ZC3H12B: variants seen among roughly 807,000 people sequenced by gnomAD.
ZC3H12B encodes the protein probable ribonuclease ZC3H12B.
In ZC3H12B, 7 loss-of-function variants were observed where a neutral mutation model predicts 43.9. The ratio of observed to expected loss-of-function variants is 0.16; its 90% CI spans 0.09 to 0.30. ZC3H12B has a LOEUF of 0.30. ZC3H12B is among the 10% of genes least tolerant of loss of function. The probability of loss-of-function intolerance (pLI) is 1.00; values close to 1 mark genes in which losing one functional copy is unlikely to be tolerated. For synonymous variants in ZC3H12B, 222 were observed against 241.7 expected (o/e 0.92, Z 0.76); for missense variants, 475 against 670.2 (o/e 0.71, Z 3.22).
the ZC3H12B span, among the ~76,000 whole-genome samples, chrX:65,092,723 A>T: frequency 8.9e-6 from 1 of 112,273 alleles, no homozygotes; most frequent in Admixed American, 9.4e-5. Context: ...CATATGTGTG[A>T]GCAAACAAAT....
exon 5 of ZC3H12B, chrX:65,504,496 T>C (rs1358825030): frequency 8.9e-6 from 1 of 112,470 alleles, no homozygotes; most frequent in African/African-American, 3.2e-5. Flanking sequence ...AGGGATCAGG[T>C]TGCAGTCTTC....
intron 3 of ZC3H12B, among the ~76,000 whole-genome samples, chrX:65,457,164 C>T (rs2067632753): frequency 2.4e-5 from 2 of 84,840 alleles, no homozygotes; most frequent in Admixed American, 1.4e-4. Context: ...AGCGTCTCTG[C>T]CCGGCTGCCC....
At chrX:65,388,821 G>A (rs1435237758) in intron 2 of ZC3H12B, among the ~76,000 whole-genome samples, 4 of 111,680 alleles carry the variant, frequency 3.6e-5, no homozygotes, top group Non-Finnish European at 7.5e-5. Flanking sequence ...TGGGGTTTTG[G>A]TGTGGATGTC....
At chrX:65,067,721 T>A in the ZC3H12B span, among the ~76,000 whole-genome samples, 1 of 111,902 alleles carries the variant, frequency 8.9e-6, no homozygotes, top group African/African-American at 3.2e-5. Context: ...CTTTTTTTTT[T>A]ATTTCAATTG....
At chrX:65,415,098 G>A (rs192080976) in intron 3 of ZC3H12B, among the ~76,000 whole-genome samples, 1 of 112,461 alleles carries the variant, frequency 8.9e-6, no homozygotes, top group East Asian at 2.8e-4. Flanking sequence ...CTTGAAGTGG[G>A]AGCTTTCTGG....
chrX:65,052,911 T>A, the ZC3H12B span, among the ~76,000 whole-genome samples: 1 of 112,073 alleles, frequency 8.9e-6, no homozygotes. Flanking sequence ...ATATAAGGGT[T>A]CACTTTTCTC....
the ZC3H12B span, among the ~76,000 whole-genome samples, chrX:65,155,158 A>C: frequency 5.9e-4 from 65 of 110,075 alleles, no homozygotes; most frequent in African/African-American, 1.7e-3. Flanking sequence ...GGGTTTCACC[A>C]TGTTGCCCAG....
At chrX:65,243,027 A>G in the ZC3H12B span, among the ~76,000 whole-genome samples, 4 of 112,233 alleles carry the variant, frequency 3.6e-5, no homozygotes, top group African/African-American at 1.3e-4. Context: ...TAAAACTAGA[A>G]GAAAACACTG....
chrX:65,449,892 T>C (rs768181679), intron 3 of ZC3H12B, among the ~76,000 whole-genome samples: 3 of 111,382 alleles, frequency 2.7e-5, no homozygotes, highest in South Asian at 7.5e-4. Flanking sequence ...AAAAACTATA[T>C]GTTGGGTTCA....
At chrX:65,404,396 T>C (rs960911908) in intron 3 of ZC3H12B, among the ~76,000 whole-genome samples, 3 of 111,872 alleles carry the variant, frequency 2.7e-5, no homozygotes, top group Non-Finnish European at 5.6e-5. Context: ...AACTAAAGTC[T>C]ACAATCGAAA....
chrX:65,258,203 A>G, the ZC3H12B span, among the ~76,000 whole-genome samples: 1 of 111,736 alleles, frequency 8.9e-6, no homozygotes, highest in African/African-American at 3.3e-5. Context: ...CAAGCACATC[A>G]AAAAGCTAAT....
intron 3 of ZC3H12B, among the ~76,000 whole-genome samples, chrX:65,457,446 G>A (rs1176720182): frequency 6.1e-5 from 5 of 82,489 alleles, no homozygotes; most frequent in Non-Finnish European, 1.1e-4. Flanking sequence ...GGTGGTGGGG[G>A]GGTCAGCCCC....
chrX:65,103,142 G>T, the ZC3H12B span, among the ~76,000 whole-genome samples: 3 of 111,247 alleles, frequency 2.7e-5, no homozygotes, highest in African/African-American at 9.8e-5. Context: ...GAGCACTATG[G>T]GAGACCGGGG....
At chrX:65,182,449 A>C in the ZC3H12B span, among the ~76,000 whole-genome samples, 1 of 111,168 alleles carries the variant, frequency 9.0e-6, no homozygotes, top group Non-Finnish European at 1.9e-5. Flanking sequence ...AATAAAAATA[A>C]AATGGCGGTG....
intron 2 of ZC3H12B, among the ~76,000 whole-genome samples, chrX:65,379,728 A>G (rs2066407945): frequency 1.8e-5 from 2 of 111,986 alleles, no homozygotes; most frequent in Non-Finnish European, 3.8e-5. Context: ...AGACGAATGT[A>G]TAACTAGAAT....
the ZC3H12B span, among the ~76,000 whole-genome samples, chrX:65,131,766 C>T: frequency 1.8e-5 from 2 of 111,173 alleles, no homozygotes; most frequent in Admixed American, 9.6e-5. Context: ...AGCACATGTG[C>T]TTTCATGAAG....
the ZC3H12B span, among the ~76,000 whole-genome samples, chrX:65,132,647 G>A: frequency 3.6e-5 from 4 of 111,369 alleles, no homozygotes; most frequent in East Asian, 2.8e-4. Flanking sequence ...GACAGGTGGG[G>A]ATAACTAAGA....
At chrX:65,303,258 T>G in the ZC3H12B span, among the ~76,000 whole-genome samples, 1 of 111,318 alleles carries the variant, frequency 9.0e-6, no homozygotes, top group Non-Finnish European at 1.9e-5. Context: ...GAACTATTGA[T>G]TATCAGGCTT....
At chrX:65,388,840 T>C (rs1431667887) in intron 2 of ZC3H12B, among the ~76,000 whole-genome samples, 1 of 112,144 alleles carries the variant, frequency 8.9e-6, no homozygotes, top group Non-Finnish European at 1.9e-5. Context: ...TCCTTTCTGT[T>C]AGTTTTCCTT....
Sources: allele counts gnomAD v4.1 joint callset (sites outside exome capture counted in the v4.1 genomes callset), GRCh38; gene constraint gnomAD v4.1.1; transcripts MANE v1.5; gene names NCBI Gene and HGNC (gene_info 2026-07-23, HGNC 2026-07-21).